CHRM5: variants seen among roughly 807,000 people sequenced by gnomAD.
CHRM5 encodes the protein cholinergic receptor muscarinic 5, also known as muscarinic acetylcholine receptor M5.
CHRM5 carries 18 observed loss-of-function variants against 39.0 expected under a neutral mutation model. That is an observed-to-expected ratio of 0.46 (90% CI 0.32 to 0.68). The LOEUF (loss-of-function observed/expected upper bound fraction) is 0.68. CHRM5 is among the 30% of genes least tolerant of loss of function. CHRM5 has a pLI of 0.04. For synonymous variants in CHRM5, 241 were observed against 246.3 expected (o/e 0.98, Z 0.20); for missense variants, 515 against 651.1 (o/e 0.79, Z 2.28).
At chr15:34,061,401 T>TG (rs1900331900) in intron 2 of CHRM5, among the ~76,000 whole-genome samples, 1 of 10,154 alleles carries the variant, frequency 9.8e-5, no homozygotes, top group Non-Finnish European at 6.0e-3. Flanking sequence ...GATGTACTGA[T>TG]AAAAAGCTGT....
intron 1 of CHRM5, chr15:33,972,138 C>T (rs2632088): frequency 6.6e-6 from 1 of 152,084 alleles, no homozygotes; most frequent in African/African-American, 2.4e-5. Context: ...TCACAGTTTT[C>T]TCATTAATAA....
intron 2 of CHRM5, among the ~76,000 whole-genome samples, chr15:34,048,784 G>C (rs184679487): frequency 2.0e-5 from 3 of 152,328 alleles, no homozygotes; most frequent in Admixed American, 6.5e-5. Flanking sequence ...GCCTAGGTGT[G>C]TCTGGGCCAG....
chr15:33,981,958 C>A (rs1442084698), intron 1 of CHRM5, among the ~76,000 whole-genome samples: 1 of 152,100 alleles, frequency 6.6e-6, no homozygotes, highest in East Asian at 1.9e-4. Flanking sequence ...TCAAGCAATC[C>A]TCCTGCCTCA....
chr15:34,016,111 T>C (rs1250944051), intron 1 of CHRM5, among the ~76,000 whole-genome samples: 1 of 152,154 alleles, frequency 6.6e-6, no homozygotes, highest in Non-Finnish European at 1.5e-5. Flanking sequence ...ACCCCGTCTC[T>C]ACTAAAAATA....
At chr15:33,994,166 T>C (rs1422985546) in intron 1 of CHRM5, among the ~76,000 whole-genome samples, 3 of 152,184 alleles carry the variant, frequency 2.0e-5, no homozygotes, top group Non-Finnish European at 1.5e-5. Context: ...TTCTTCTCTA[T>C]TTACAGCCAC....
intron 1 of CHRM5, among the ~76,000 whole-genome samples, chr15:34,030,617 C>G (rs976129501): frequency 1.3e-5 from 2 of 149,528 alleles, no homozygotes; most frequent in Non-Finnish European, 3.0e-5. Context: ...TGTGAGCCAC[C>G]ACGCCCAGCC....
intron 1 of CHRM5, among the ~76,000 whole-genome samples, chr15:34,030,637 G>A (rs1315128455): frequency 6.6e-6 from 1 of 150,968 alleles, no homozygotes; most frequent in Admixed American, 6.6e-5. Context: ...CTGGTTTGGG[G>A]GGTTTTGTTG....
At chr15:34,056,104 C>T (rs1900138348) in intron 2 of CHRM5, among the ~76,000 whole-genome samples, 1 of 152,264 alleles carries the variant, frequency 6.6e-6, no homozygotes. Context: ...CACTAACTTC[C>T]AAAGCAGCTA....
intron 1 of CHRM5, among the ~76,000 whole-genome samples, chr15:33,989,898 G>T (rs978219222): frequency 6.6e-6 from 1 of 150,464 alleles, no homozygotes; most frequent in Non-Finnish European, 1.5e-5. Context: ...TACACTAGAT[G>T]CTATTAGAAC....
intron 1 of CHRM5, among the ~76,000 whole-genome samples, chr15:33,981,896 G>A (rs757050488): frequency 3.3e-5 from 5 of 152,104 alleles, no homozygotes; most frequent in South Asian, 4.2e-4. Flanking sequence ...GTGCAGTGGC[G>A]CGATCTTGGC....
intron 2 of CHRM5, among the ~76,000 whole-genome samples, chr15:34,056,817 G>A (rs1181424746): frequency 6.6e-6 from 1 of 152,118 alleles, no homozygotes; most frequent in Non-Finnish European, 1.5e-5. Flanking sequence ...AGGAGTTCGA[G>A]GCCAGGAGTT....
chr15:34,003,990 T>G (rs985820148), intron 1 of CHRM5, among the ~76,000 whole-genome samples: 4 of 152,238 alleles, frequency 2.6e-5, no homozygotes, highest in Non-Finnish European at 4.4e-5. Context: ...TCATTTGCCC[T>G]TGATAGCCTT....
chr15:34,011,552 G>A (rs1897638882), intron 1 of CHRM5, among the ~76,000 whole-genome samples: 2 of 152,184 alleles, frequency 1.3e-5, no homozygotes, highest in African/African-American at 2.4e-5. Flanking sequence ...AAATTCAACT[G>A]TTTCTCTAGC....
At chr15:33,971,780 C>T (rs2140497167) in intron 1 of CHRM5, among the ~76,000 whole-genome samples, 1 of 152,014 alleles carries the variant, frequency 6.6e-6, no homozygotes, top group East Asian at 1.9e-4. Flanking sequence ...TTCAACTAGC[C>T]AATATATTTG....
chr15:34,035,871 T>C (rs1218397265), intron 1 of CHRM5, among the ~76,000 whole-genome samples: 2 of 152,188 alleles, frequency 1.3e-5, no homozygotes, highest in African/African-American at 4.8e-5. Context: ...CACAGCTCAC[T>C]GCAGCCTCCA....
chr15:34,033,313 C>G (rs1320016790), intron 1 of CHRM5, among the ~76,000 whole-genome samples: 1 of 152,090 alleles, frequency 6.6e-6, no homozygotes, highest in Non-Finnish European at 1.5e-5. Flanking sequence ...CAAAACCAGC[C>G]TGAGCAACAC....
At chr15:34,061,982 T>TA (rs1900348317) in intron 2 of CHRM5, among the ~76,000 whole-genome samples, 1 of 152,232 alleles carries the variant, frequency 6.6e-6, no homozygotes, top group Non-Finnish European at 1.5e-5. Flanking sequence ...TTTCAGCCCT[T>TA]ATGATCATTG....
chr15:34,002,994 A>G, intron 1 of CHRM5: 1 of 1,515,330 alleles, frequency 6.6e-7, no homozygotes, highest in South Asian at 1.3e-5. Context: ...TGCAACTTTC[A>G]GAGCACTAAA....
intron 1 of CHRM5, among the ~76,000 whole-genome samples, chr15:34,042,333 A>G (rs769169877): frequency 2.0e-5 from 3 of 152,014 alleles, no homozygotes; most frequent in South Asian, 2.1e-4. Flanking sequence ...GCTGAATTAT[A>G]TAGGTAGCTC....
Sources: gnomAD v4.1 joint callset for allele counts (sites outside exome capture counted in the v4.1 genomes callset) on GRCh38, gnomAD v4.1.1 for gene constraint, MANE v1.5 for transcripts, NCBI Gene and HGNC (gene_info 2026-07-23, HGNC 2026-07-21) for gene names.